RAPGEF2: variants seen among roughly 807,000 people sequenced by gnomAD.
The protein encoded by RAPGEF2 is Rap guanine nucleotide exchange factor 2.
A neutral mutation model predicts 186.7 loss-of-function variants in RAPGEF2; 54 were observed. The observed-to-expected ratio is 0.29, with a 90% CI of 0.23 to 0.36. RAPGEF2 has a LOEUF of 0.36. Ranked by LOEUF, RAPGEF2 falls within the 10% of genes least tolerant of loss-of-function variation. The pLI is 1.00. For synonymous variants in RAPGEF2, 712 were observed against 705.9 expected, an observed-to-expected ratio of 1.01 and a Z score of -0.14; for missense variants, 1,532 against 2,045.0, an observed-to-expected ratio of 0.75 and a Z score of 4.84.
In RAPGEF2 at chr4:159,353,642, G is replaced by A; in HGVS notation, c.4247G>A (p.Gly1416Asp). 1 of 1,593,248 alleles carries A rather than the reference G, an allele frequency of 6.3e-7. No individual in the cohort carries two copies. Residue 1416 changes from glycine (G) to aspartate (D), a missense_variant, in exon 28 of 30, where the codon GGC becomes GAC. Around this residue, in one of 4 missense-constraint regions of RAPGEF2, gnomAD observed 594 missense variants for 608.5 expected, o/e 0.98. Coordinates refer to ENST00000691494, the MANE Select transcript of RAPGEF2 (RefSeq NM_001394067.2). The surrounding 1 kb of genome is among the most constrained non-coding windows in gnomAD (Gnocchi z 4.3). The stretch of plus-strand genomic sequence containing the variant: ...GGGAGCTGGACGTCATGCTCAAGTG[G>A]CTCCCATGATAATATACAGACGATC... ...GRGSWTSCSS[G>D]SHDNIQTIQH...
intron 7 of RAPGEF2, among the ~76,000 whole-genome samples, chr4:159,300,481 T>C (rs576514522): frequency 2.6e-5 from 4 of 152,034 alleles, no homozygotes; most frequent in African/African-American, 9.6e-5. Flanking sequence ...ATGAAAAATA[T>C]AGGTGAAAAG....
intron 1 of RAPGEF2, among the ~76,000 whole-genome samples, chr4:159,185,293 G>A (rs1013055702): frequency 3.9e-5 from 6 of 152,152 alleles, no homozygotes; most frequent in Admixed American, 2.0e-4. Context: ...GAGTTACCAC[G>A]TGAACCAGCA....
At chr4:159,110,294 A>G (rs1158256460) in intron 1 of RAPGEF2, among the ~76,000 whole-genome samples, 1 of 152,224 alleles carries the variant, frequency 6.6e-6, no homozygotes, top group African/African-American at 2.4e-5. Flanking sequence ...GGTTAATCAT[A>G]TAGTTAAACT....
chr4:159,229,417 G>C (rs776246197), intron 4 of RAPGEF2: 1 of 152,206 alleles, frequency 6.6e-6, no homozygotes, highest in Non-Finnish European at 1.5e-5. Context: ...AAGTGCTCTT[G>C]ACCCAACTTG....
At chr4:159,272,724 TAGA>T (rs1413568798) in intron 7 of RAPGEF2, among the ~76,000 whole-genome samples, 1 of 152,148 alleles carries the variant, frequency 6.6e-6, no homozygotes, top group Non-Finnish European at 1.5e-5. Flanking sequence ...CAGGAAACTA[TAGA>T]AGAATATGAG....
chr4:159,250,390 C>A (rs945520093), intron 7 of RAPGEF2, among the ~76,000 whole-genome samples: 1 of 152,056 alleles, frequency 6.6e-6, no homozygotes, highest in Non-Finnish European at 1.5e-5. Flanking sequence ...AAATAGCTGG[C>A]CTAGGGGAGA....
chr4:159,104,527 G>GAGAGAGAGAGAGGGAGAGAGAGAGA (rs1560964822), intron 1 of RAPGEF2, among the ~76,000 whole-genome samples: 1 of 88,442 alleles, frequency 1.1e-5, no homozygotes, highest in African/African-American at 4.5e-5. Context: ...AGAGAGAGAG[G>GAGAGAGAGAGAGGGAGAGAGAGAGA]GAGAGACAGA....
At chr4:159,268,184 A>C (rs1419162371) in intron 7 of RAPGEF2, 1 of 1,611,364 alleles carries the variant, frequency 6.2e-7, no homozygotes, top group Non-Finnish European at 8.5e-7. Flanking sequence ...CCAGCTAACC[A>C]TGGAGTTATG....
At chr4:159,281,687 A>AAG (rs561316601) in intron 7 of RAPGEF2, among the ~76,000 whole-genome samples, 24,064 of 146,852 alleles carry the variant, frequency 0.16, 2,224 homozygotes, top group Admixed American at 0.23. Flanking sequence ...AAAAAAAAAA[A>AAG]AAAGAAAAGG....
chr4:159,355,805 T>C (rs184959406), intron 28 of RAPGEF2, 48 bp from the exon 29 acceptor site: 3 of 1,431,472 alleles, frequency 2.1e-6, no homozygotes, highest in East Asian at 2.5e-5. Context: ...TAATAAACTT[T>C]TGTGGCATGA....
At chr4:159,190,245 T>G (rs989745386) in intron 2 of RAPGEF2, among the ~76,000 whole-genome samples, 4 of 152,064 alleles carry the variant, frequency 2.6e-5, no homozygotes, top group Non-Finnish European at 4.4e-5. Context: ...TTGTGGAGAT[T>G]AGAGTGGAGC....
chr4:159,229,958 T>G (rs1313319098), intron 4 of RAPGEF2, among the ~76,000 whole-genome samples: 1 of 152,194 alleles, frequency 6.6e-6, no homozygotes, highest in Non-Finnish European at 1.5e-5. Context: ...GAAGTGAACC[T>G]GCATCACTTC....
intron 7 of RAPGEF2, among the ~76,000 whole-genome samples, chr4:159,286,591 AC>A (rs1455173101): frequency 6.6e-6 from 1 of 152,152 alleles, no homozygotes; most frequent in African/African-American, 2.4e-5. Context: ...AACTAGCCCC[AC>A]TTGTTCTTCT....
chr4:159,221,233 G>T (rs1483236136), intron 4 of RAPGEF2, among the ~76,000 whole-genome samples: 1 of 152,168 alleles, frequency 6.6e-6, no homozygotes, highest in Non-Finnish European at 1.5e-5. Context: ...TGGTTTGGTG[G>T]TGGCTGCAAA....
chr4:159,152,931 T>TCAGC (rs1743719944), intron 1 of RAPGEF2, among the ~76,000 whole-genome samples: 1 of 152,252 alleles, frequency 6.6e-6, no homozygotes, highest in East Asian at 1.9e-4. Context: ...GTTATATATT[T>TCAGC]TAAAAGTGTT....
Position 159,353,368 on chromosome 4 carries a change from C to G in RAPGEF2, c.4092-119C>G. The G allele has an allele frequency of 1.3e-6, 1 of 758,506 alleles. No individual in the cohort carries two copies. Among genetic ancestry groups the G allele is most frequent in the Non-Finnish European group, 1.9e-6 (1 of 521,154 alleles). The allele number at this position is 758,506 out of a possible 1,614,324, so 47.0% of individuals were successfully genotyped here. Reference sequence around the variant, plus strand: ...AAGGCAATTCAGTGCTACTTTTATCCTGTTTCTGGGATGAAAGCAAGCTAC... The same window carrying G: ...AAGGCAATTCAGTGCTACTTTTATCGTGTTTCTGGGATGAAAGCAAGCTAC... On this transcript the variant is annotated intron_variant, in intron 27 of 29. Transcript: ENST00000691494. The surrounding 1 kb of genome is among the most constrained non-coding windows in gnomAD (Gnocchi z 4.3).
chr4:159,342,563 T>A (rs138523717), intron 20 of RAPGEF2, among the ~76,000 whole-genome samples: 3,315 of 93,242 alleles, frequency 0.036, 83 homozygotes, highest in African/African-American at 0.098. Flanking sequence ...ATTATTTTAT[T>A]TTATTTTATT....
At chr4:159,342,710 C>CTT (rs1243049920) in intron 20 of RAPGEF2, among the ~76,000 whole-genome samples, 2 of 151,638 alleles carry the variant, frequency 1.3e-5, no homozygotes, top group East Asian at 3.9e-4. Context: ...GGAAACAAAG[C>CTT]ATCAATACTT....
rs190225973 is a variant in RAPGEF2, at chr4:159,280,244, C to G, written c.544-24098C>G. On this transcript the variant is annotated intron_variant, in intron 7 of 29. Coordinates refer to ENST00000691494, the MANE Select transcript of RAPGEF2 (RefSeq NM_001394067.2). Reference sequence around the variant, plus strand: ...GAAGGAGTTTTCTCAGCCAGACTGACTTAGCAACATTGTCTTAGCCATTTA... The same window carrying G: ...GAAGGAGTTTTCTCAGCCAGACTGAGTTAGCAACATTGTCTTAGCCATTTA... Among the ~76,000 whole-genome samples, 861 of 152,286 alleles carry G rather than the reference C, an allele frequency of 5.7e-3. 6 individuals carry two copies. The highest frequency in any genetic ancestry group is 9.5e-3 in the Non-Finnish European group (649 of 68,020).
Sources: gnomAD v4.1 joint callset for allele counts (sites outside exome capture counted in the v4.1 genomes callset) on GRCh38, gnomAD v4.1.1 for gene constraint, gnomAD v4.1.1 regional missense constraint, Gnocchi (gnomAD v3.1) non-coding constraint, MANE v1.5 for transcripts, NCBI Gene and HGNC (gene_info 2026-07-23, HGNC 2026-07-21) for gene names.